CACNG4: variants seen among roughly 807,000 people sequenced by gnomAD.
CACNG4 encodes voltage-dependent calcium channel gamma-4 subunit.
CACNG4 carries 8 observed loss-of-function variants against 22.9 expected under a neutral mutation model. The observed-to-expected ratio is 0.35, with a 90% confidence interval of 0.21 to 0.63. CACNG4 has a LOEUF of 0.63. Among genes scored for constraint, CACNG4 ranks in the 30% least tolerant of loss-of-function variants. CACNG4 has a pLI of 0.72. For synonymous variants in CACNG4, 188 were observed against 191.9 expected, an observed-to-expected ratio of 0.98 and a Z score of 0.17; for missense variants, 357 against 455.4, an observed-to-expected ratio of 0.78 and a Z score of 1.97.
At chr17:66,976,026 C>T (rs2035233585) in intron 1 of CACNG4, among the ~76,000 whole-genome samples, 1 of 152,200 alleles carries the variant, frequency 6.6e-6, no homozygotes, top group South Asian at 2.1e-4. Context: ...TACTCAGGAA[C>T]AGAGACAGCG....
chr17:66,997,655 A>C (rs745689643), intron 1 of CACNG4, among the ~76,000 whole-genome samples: 1 of 152,144 alleles, frequency 6.6e-6, no homozygotes, highest in Non-Finnish European at 1.5e-5. Flanking sequence ...CATCTCTACT[A>C]AAAATACAAA....
intron 1 of CACNG4, among the ~76,000 whole-genome samples, chr17:66,986,516 G>A (rs1424912241): frequency 6.6e-6 from 1 of 152,200 alleles, no homozygotes; most frequent in African/African-American, 2.4e-5. Flanking sequence ...GCCCATTATG[G>A]GGAAGGGTGA....
At chr17:66,979,223 CT>C (rs1370259047) in intron 1 of CACNG4, among the ~76,000 whole-genome samples, 1 of 152,180 alleles carries the variant, frequency 6.6e-6, no homozygotes, top group Non-Finnish European at 1.5e-5. Context: ...TCTTTCTCTC[CT>C]TTCTTTCTTC....
At chr17:66,990,685 A>ATTTTATTTTATTTTAT (rs369531301) in intron 1 of CACNG4, among the ~76,000 whole-genome samples, 13 of 140,442 alleles carry the variant, frequency 9.3e-5, no homozygotes, top group African/African-American at 3.5e-4. Context: ...ATTTTATTTT[A>ATTTTATTTTATTTTAT]TTTATTTATT....
intron 1 of CACNG4, among the ~76,000 whole-genome samples, chr17:67,003,682 T>C (rs1293352283): frequency 1.3e-5 from 2 of 152,182 alleles, no homozygotes; most frequent in African/African-American, 4.8e-5. Context: ...CAACCCCAAG[T>C]TGTGACAATC....
chr17:67,017,165 CT>C (rs2143353285), intron 1 of CACNG4, among the ~76,000 whole-genome samples: 1 of 152,236 alleles, frequency 6.6e-6, no homozygotes, highest in South Asian at 2.1e-4. Context: ...CAACCTCCAC[CT>C]CCCAGGCTCA....
chr17:67,031,024 C>T lies in CACNG4; in HGVS notation c.*20C>T, dbSNP rs375156934. On this transcript the variant is annotated 3_prime_UTR_variant, in exon 4 of 4. Coordinates refer to ENST00000262138, the MANE Select transcript of CACNG4 (RefSeq NM_014405.4). The surrounding 1 kb of genome is among the most constrained non-coding windows in gnomAD (Gnocchi z 4.0). ...GTGTGAGCCGCCTGCCCTTTCTCTC[C>T]GCTCCAGCCTCTCCCCAGAACGGCT... is the stretch of plus-strand genomic sequence containing the variant. 71 of 1,597,248 alleles carry T rather than the reference C, an allele frequency of 4.4e-5. No homozygotes were observed. The highest frequency in any genetic ancestry group is 3.2e-4 in the Admixed American group (19 of 58,976).
chr17:67,025,211 G>T (rs779341028), intron 3 of CACNG4, among the ~76,000 whole-genome samples: 4 of 152,266 alleles, frequency 2.6e-5, no homozygotes, highest in South Asian at 2.1e-4. Flanking sequence ...TCCTTTTGGG[G>T]TGACAGAAAT....
chr17:67,021,452 A>T (rs1042700114), intron 2 of CACNG4, among the ~76,000 whole-genome samples: 1 of 152,242 alleles, frequency 6.6e-6, no homozygotes, highest in Non-Finnish European at 1.5e-5. Context: ...TTGACAATTC[A>T]AGAAGGAACT....
intron 1 of CACNG4, among the ~76,000 whole-genome samples, chr17:67,017,496 T>TTCG (rs1555579867): frequency 1.4e-5 from 2 of 139,998 alleles, no homozygotes; most frequent in African/African-American, 5.4e-5. Flanking sequence ...AGTGGGCAAA[T>TTCG]TCGTTGTTGT....
At chr17:66,968,737 C>A (rs1246331456) in intron 1 of CACNG4, among the ~76,000 whole-genome samples, 1 of 117,856 alleles carries the variant, frequency 8.5e-6, no homozygotes, top group South Asian at 3.4e-4. Flanking sequence ...TCCTCTCCTC[C>A]CCTCCCCTTC....
intron 1 of CACNG4, among the ~76,000 whole-genome samples, chr17:66,988,035 T>TTGTGTG (rs747107768): frequency 6.7e-6 from 1 of 149,008 alleles, no homozygotes; most frequent in Non-Finnish European, 1.5e-5. Context: ...TACATCCTTT[T>TTGTGTG]TGTGTGTGTG....
rs577435349 is a variant in CACNG4 at position 67,002,567 on chromosome 17, C to A, written c.221-15622C>A. Among the ~76,000 whole-genome samples the A allele has an allele frequency of 1.1e-3, 163 of 152,270 alleles. 1 individual carries two copies. The highest frequency in any genetic ancestry group is 3.8e-3 in the African/African-American group (157 of 41,548). On this transcript the variant is annotated intron_variant, in intron 1 of 3. Transcript: ENST00000262138. ...AGCACTGGTGACCTGGCAGACCTGG[C>A]AGGTGTGTGCCCTCCCAGACACTGG... is the stretch of plus-strand genomic sequence containing the variant.
At chr17:67,020,596 G>A (rs1261565721) in intron 2 of CACNG4, among the ~76,000 whole-genome samples, 1 of 152,224 alleles carries the variant, frequency 6.6e-6, no homozygotes, top group Admixed American at 6.5e-5. Flanking sequence ...CTCGGTGGCT[G>A]CAGAAACAGG....
intron 1 of CACNG4, among the ~76,000 whole-genome samples, chr17:66,976,056 A>C (rs1242643634): frequency 1.1e-4 from 17 of 151,746 alleles, no homozygotes; most frequent in Admixed American, 1.1e-3. Context: ...GTTGTGACTG[A>C]CCCTCGCATC....
chr17:67,029,497 G>A (rs867140289), intron 3 of CACNG4, among the ~76,000 whole-genome samples: 1 of 151,892 alleles, frequency 6.6e-6, no homozygotes, highest in African/African-American at 2.4e-5. Flanking sequence ...GGCTGGGTGT[G>A]GTGGCGGGCG....
intron 1 of CACNG4, among the ~76,000 whole-genome samples, chr17:66,985,759 C>G (rs899351528): frequency 7.9e-5 from 12 of 152,114 alleles, no homozygotes; most frequent in Non-Finnish European, 1.2e-4. Context: ...AGAAGGGAGA[C>G]AGAGGGACGG....
intron 1 of CACNG4, among the ~76,000 whole-genome samples, chr17:66,995,689 A>C (rs1347946903): frequency 6.6e-6 from 1 of 152,116 alleles, no homozygotes; most frequent in East Asian, 1.9e-4. Flanking sequence ...GTCTCTACTA[A>C]AAATACAAAA....
At chr17:66,983,715 G>T (rs2035289908) in intron 1 of CACNG4, among the ~76,000 whole-genome samples, 1 of 152,206 alleles carries the variant, frequency 6.6e-6, no homozygotes, top group Middle Eastern at 3.2e-3. Flanking sequence ...CCTTTAAGAA[G>T]ACATTAACCA....
Sources: gnomAD v4.1 joint callset for allele counts (sites outside exome capture counted in the v4.1 genomes callset) on GRCh38, gnomAD v4.1.1 for gene constraint, Gnocchi (gnomAD v3.1) non-coding constraint, MANE v1.5 for transcripts, NCBI Gene and HGNC (gene_info 2026-07-23, HGNC 2026-07-21) for gene names.